Variants in IGF1R observed in about 807,000 individuals in gnomAD.
The protein encoded by IGF1R is insulin-like growth factor 1 receptor.
In IGF1R, 44 loss-of-function variants were observed where a neutral mutation model predicts 144.6. That is an observed-to-expected ratio of 0.30 (90% CI 0.24 to 0.39). The LOEUF (loss-of-function observed/expected upper bound fraction) is 0.39, where lower values mean the gene tolerates loss of function less well. Ranked by LOEUF, IGF1R falls within the 10% of genes least tolerant of loss-of-function variation. The probability of loss-of-function intolerance (pLI) is 1.00; values close to 1 mark genes in which losing one functional copy is unlikely to be tolerated. For synonymous variants in IGF1R, 795 were observed against 722.8 expected (o/e 1.10, Z -1.60); for missense variants, 1,355 against 1,833.7 (o/e 0.74, Z 4.77).
chr15:98,707,916 GT>G lies in IGF1R; in HGVS notation c.451del (p.Tyr151ThrfsTer9). 1 of 1,614,152 alleles carries G rather than the reference GT, an allele frequency of 6.2e-7. No homozygotes were observed. Among genetic ancestry groups the G allele is most frequent in the Non-Finnish European group, 8.5e-7 (1 of 1,180,032 alleles). On this transcript the variant is annotated frameshift_variant, in exon 2 of 21. Coordinates refer to ENST00000650285, the MANE Select transcript of IGF1R (RefSeq NM_000875.5). LOFTEE classifies it high-confidence loss of function. This position sits in a 1 kb window ranked among gnomAD's most constrained non-coding sequence, Gnocchi z 6.7. ...AIRIEKNADL[C>X]YLSTVDWSLI... The stretch of plus-strand genomic sequence containing the variant: ...AGGATTGAGAAAAATGCTGACCTCT[GT>G]TACCTCTCCACTGTGGACTGGTCCC...
rs2052299179 is a variant in IGF1R at position 98,649,674 on chromosome 15, A to G, written c.93A>G (p.Glu31=). 7 of 1,607,680 alleles carry G rather than the reference A, an allele frequency of 4.4e-6. No individual in the cohort carries two copies. The highest frequency in any genetic ancestry group is 6.0e-6 in the Non-Finnish European group (7 of 1,176,362). The part of the protein sequence containing the change: ...AALSLWPTSG[E]ICGPGIDIRN... Reference sequence around the variant, plus strand: ...TCTCGCTCTGGCCGACGAGTGGAGAAAGTGAGTATGTGCCCGCCGCCCGCG... The same window carrying G: ...TCTCGCTCTGGCCGACGAGTGGAGAGAGTGAGTATGTGCCCGCCGCCCGCG... Residue 31 remains glutamate, a splice_region_variant and synonymous_variant, in exon 1 of 21, where the codon GAA becomes GAG. Transcript: ENST00000650285.
At chr15:98,925,640 C>T (rs561829717) in intron 13 of IGF1R, among the ~76,000 whole-genome samples, 1 of 152,228 alleles carries the variant, frequency 6.6e-6, no homozygotes, top group African/African-American at 2.4e-5. Context: ...CAGTGGCTCA[C>T]GCCTGTGATC....
chr15:98,917,868 G>A (rs566496450), intron 10 of IGF1R, among the ~76,000 whole-genome samples: 15 of 152,288 alleles, frequency 9.8e-5, no homozygotes, highest in African/African-American at 3.4e-4. Context: ...TTCCATAATC[G>A]ATAGGTTTTC....
At chr15:98,843,716 A>G (rs1053058072) in intron 2 of IGF1R, among the ~76,000 whole-genome samples, 5 of 152,198 alleles carry the variant, frequency 3.3e-5, no homozygotes, top group Non-Finnish European at 7.3e-5. Flanking sequence ...AATACGGAAG[A>G]AATTCACCGC....
intron 1 of IGF1R, among the ~76,000 whole-genome samples, chr15:98,663,328 A>G (rs1230034873): frequency 6.6e-6 from 1 of 152,200 alleles, no homozygotes; most frequent in African/African-American, 2.4e-5. Flanking sequence ...GACACCTGGC[A>G]CTTTTAAGGC....
intron 2 of IGF1R, among the ~76,000 whole-genome samples, chr15:98,847,055 C>T (rs547406888): frequency 2.2e-4 from 34 of 152,322 alleles, no homozygotes; most frequent in Admixed American, 1.7e-3. Context: ...CGGCTCACTG[C>T]AACCTCTACC....
intron 2 of IGF1R, among the ~76,000 whole-genome samples, chr15:98,737,215 CAATG>C (rs2054632122): frequency 6.6e-6 from 1 of 152,164 alleles, no homozygotes; most frequent in Non-Finnish European, 1.5e-5. Context: ...CAGTGGTAAA[CAATG>C]AGGATGGGAA....
rs932354829 is a variant in IGF1R, at chr15:98,959,314, G to T, written c.*1872G>T. 8.6e-6 allele frequency: 2 copies of T among 233,570 alleles called. No individual in the cohort carries two copies. Among genetic ancestry groups the T allele is most frequent in the Non-Finnish European group, 1.7e-5 (2 of 118,008 alleles). 14.5% of individuals were successfully genotyped at this position (233,570 alleles called of 1,614,324 possible). A position where few individuals can be genotyped will look rare whatever the true frequency, so the allele number is the denominator to read the frequency against. On this transcript the variant is annotated 3_prime_UTR_variant, in exon 21 of 21. Coordinates refer to ENST00000650285, the MANE Select transcript of IGF1R (RefSeq NM_000875.5). ...TCCTTCCATCCCACGAAAAACAGCT[G>T]CTGAGTCCAAGGGAGCAGCAGAGCG...
At chr15:98,871,603 T>C (rs548189780) in intron 2 of IGF1R, among the ~76,000 whole-genome samples, 1 of 152,336 alleles carries the variant, frequency 6.6e-6, no homozygotes, top group East Asian at 1.9e-4. Flanking sequence ...CACAGTTTCA[T>C]GTGACTGGAG....
intron 2 of IGF1R, among the ~76,000 whole-genome samples, chr15:98,851,316 G>A (rs2011518655): frequency 6.6e-6 from 1 of 152,192 alleles, no homozygotes; most frequent in African/African-American, 2.4e-5. Flanking sequence ...GGCCCCCCAG[G>A]TGGCAAGTTT....
intron 19 of IGF1R, among the ~76,000 whole-genome samples, chr15:98,945,288 G>C (rs1330753916): frequency 1.3e-5 from 2 of 152,254 alleles, no homozygotes; most frequent in Non-Finnish European, 2.9e-5. Context: ...ATTACCATCT[G>C]TGGGGAATGT....
In IGF1R at chr15:98,817,023, C is replaced by T. The variant is rs556048468; in HGVS notation, c.641-74302C>T. Among the ~76,000 whole-genome samples the T allele has an allele frequency of 9.8e-4, 150 of 152,356 alleles. 1 individual carries two copies. Among genetic ancestry groups the T allele is most frequent in the African/African-American group, 3.4e-3 (141 of 41,586 alleles). ...CAAGACAGAAAAGATTTCTTCAATGCTGCGTGTGGTGGCTCACACCTGTAA... is the reference window on the plus strand; with the variant it reads ...CAAGACAGAAAAGATTTCTTCAATGTTGCGTGTGGTGGCTCACACCTGTAA... On this transcript the variant is annotated intron_variant, in intron 2 of 20. Coordinates refer to ENST00000650285, the MANE Select transcript of IGF1R (RefSeq NM_000875.5).
At chr15:98,721,213 G>A (rs1203392601) in intron 2 of IGF1R, among the ~76,000 whole-genome samples, 1 of 152,128 alleles carries the variant, frequency 6.6e-6, no homozygotes, top group Non-Finnish European at 1.5e-5. Context: ...TTGCTTCCAG[G>A]TTGCTTTTGT....
intron 2 of IGF1R, among the ~76,000 whole-genome samples, chr15:98,718,168 G>A (rs745460514): frequency 1.3e-5 from 2 of 152,196 alleles, no homozygotes; most frequent in Non-Finnish European, 2.9e-5. Flanking sequence ...GCCTCTGCCC[G>A]AAGCCGGGCT....
chr15:98,935,404 G>A lies in IGF1R; in HGVS notation c.3275G>A (p.Arg1092Gln), dbSNP rs756613596. 2.3e-5 allele frequency: 36 copies of A among 1,549,310 alleles called. No individual in the cohort carries two copies. Among genetic ancestry groups the A allele is most frequent in the African/African-American group, 2.7e-5 (2 of 72,958 alleles). ...CGGGGCGATCTCAAAAGTTATCTCC[G>A]GTCTCTGAGGCCAGAAATGGAGGTC... ...MTRGDLKSYL[R>Q]SLRPEMENNP... Residue 1092 changes from arginine (R) to glutamine (Q), a missense_variant, in exon 17 of 21, where the codon CGG becomes CAG. This residue lies in a region of IGF1R where 45 missense variants were observed against 43.5 expected (regional missense o/e 1.03). Transcript: ENST00000650285. This position sits in a 1 kb window ranked among gnomAD's most constrained non-coding sequence, Gnocchi z 4.2.
chr15:98,688,145 G>A (rs1485997899), intron 1 of IGF1R, among the ~76,000 whole-genome samples: 1 of 152,134 alleles, frequency 6.6e-6, no homozygotes, highest in Admixed American at 6.5e-5. Flanking sequence ...TGTGCTCTCT[G>A]GTGATCTGAA....
At chr15:98,788,015 G>A (rs1367304664) in intron 2 of IGF1R, among the ~76,000 whole-genome samples, 1 of 150,410 alleles carries the variant, frequency 6.6e-6, no homozygotes, top group Non-Finnish European at 1.5e-5. Flanking sequence ...CTCAGGCCAC[G>A]TTCCTATGGT....
chr15:98,738,205 C>T (rs956978555), intron 2 of IGF1R, among the ~76,000 whole-genome samples: 1 of 152,132 alleles, frequency 6.6e-6, no homozygotes, highest in Non-Finnish European at 1.5e-5. Context: ...CAGTTTGGTC[C>T]CGTTGTAAGG....
At chr15:98,816,850 T>A (rs946627670) in intron 2 of IGF1R, among the ~76,000 whole-genome samples, 4 of 152,178 alleles carry the variant, frequency 2.6e-5, no homozygotes, top group African/African-American at 9.7e-5. Flanking sequence ...CTCATAACCA[T>A]GTGGCTCCAG....
Sources: allele counts gnomAD v4.1 joint callset (sites outside exome capture counted in the v4.1 genomes callset), GRCh38; gene constraint gnomAD v4.1.1; regional missense constraint gnomAD v4.1.1; non-coding constraint Gnocchi (gnomAD v3.1); transcripts MANE v1.5; gene names NCBI Gene and HGNC (gene_info 2026-07-23, HGNC 2026-07-21).